The following CERS4 variants were observed in gnomAD, a reference collection of about 807,000 sequenced individuals.
CERS4 encodes LAG1 homolog, ceramide synthase 4.
A neutral mutation model predicts 51.8 loss-of-function variants in CERS4; 65 were observed. The ratio of observed to expected loss-of-function variants is 1.26; its 90% CI spans 1.03 to 1.54. The LOEUF (loss-of-function observed/expected upper bound fraction) is 1.54. Among genes scored for constraint, CERS4 ranks in the 40% most tolerant of loss-of-function variants. CERS4 has a pLI of 0.00. For missense variants in CERS4, 563 were observed against 500.4 expected, an observed-to-expected ratio of 1.13 and a Z score of -1.19; for synonymous variants, 228 against 208.4, an observed-to-expected ratio of 1.09 and a Z score of -0.81.
intron 6 of CERS4, 162 bp from the exon 7 acceptor site, chr19:8,256,074 G>A (rs899628513): frequency 1.1e-6 from 1 of 941,678 alleles, no homozygotes; most frequent in South Asian, 1.6e-5. Context: ...TTGGGGTTCT[G>A]CAGTGAATGA....
chr19:8,232,021 G>A (rs910547028), intron 2 of CERS4, among the ~76,000 whole-genome samples: 2 of 150,054 alleles, frequency 1.3e-5, no homozygotes, highest in Non-Finnish European at 3.0e-5. Context: ...GTAGAGACAG[G>A]GTCTCACTAT....
intron 2 of CERS4, among the ~76,000 whole-genome samples, chr19:8,244,872 C>A (rs921573105): frequency 1.3e-5 from 2 of 149,632 alleles, no homozygotes; most frequent in Non-Finnish European, 3.0e-5. Flanking sequence ...TGGCCAGGCG[C>A]GGTGGCTCTC....
intron 10 of CERS4, chr19:8,261,474 T>A: frequency 1.7e-6 from 1 of 585,222 alleles, no homozygotes; most frequent in South Asian, 2.1e-5. Flanking sequence ...GAATGGCCAG[T>A]CAGGGAGCTC....
In CERS4 at chr19:8,213,319, T is replaced by C. The variant is rs144277157; in HGVS notation, c.-2+2457T>C. On this transcript the variant is annotated intron_variant, in intron 2 of 11. Transcript: ENST00000251363. ...CATGAGCCACTGCACTCGGCCTCTT[T>C]CTTTCTTTCAAAGGCAGAATCTTGC... is the stretch of plus-strand genomic sequence containing the variant. Among the ~76,000 whole-genome samples the C allele has an allele frequency of 8.5e-5, 13 of 152,148 alleles. No homozygotes were observed. In the East Asian group the frequency reaches 2.5e-3, roughly 29 times the overall value.
Position 8,234,542 on chromosome 19 carries a change from ATTTTTTTTTTTT to A in CERS4, c.-1-16517_-1-16506del, listed in dbSNP as rs35971828. Reference sequence around the variant, plus strand: ...CCCTTCCCCTGGCACCCACCATTCTATTTTTTTTTTTTTTTTTTTTTTTTTTTTGGAGACAGA... The same window carrying A: ...CCCTTCCCCTGGCACCCACCATTCTATTTTTTTTTTTTTTTTGGAGACAGA... On this transcript the variant is annotated intron_variant, in intron 2 of 11. Coordinates refer to ENST00000251363, the MANE Select transcript of CERS4 (RefSeq NM_024552.3). Among the ~76,000 whole-genome samples the A allele has an allele frequency of 8.5e-4, 46 of 54,182 alleles. No individual in the cohort carries two copies. The South Asian group carries it at 0.024, about 28-fold the overall frequency. The allele number at this position is 54,182 out of a possible 152,430, so 35.5% of individuals were successfully genotyped here.
At chr19:8,241,063 G>A (rs1422177435) in intron 2 of CERS4, among the ~76,000 whole-genome samples, 1 of 152,152 alleles carries the variant, frequency 6.6e-6, no homozygotes, top group Non-Finnish European at 1.5e-5. Flanking sequence ...CACCCACGCG[G>A]TGGCTCTGCA....
chr19:8,245,020 T>A (rs1344002947), intron 2 of CERS4, among the ~76,000 whole-genome samples: 2 of 150,254 alleles, frequency 1.3e-5, no homozygotes, highest in Non-Finnish European at 3.0e-5. Flanking sequence ...GGCGGGCACC[T>A]GTAGTCCCAG....
intron 2 of CERS4, among the ~76,000 whole-genome samples, chr19:8,228,322 G>A (rs1437267798): frequency 2.6e-5 from 4 of 152,142 alleles, no homozygotes; most frequent in Non-Finnish European, 4.4e-5. Context: ...CCACTGAACT[G>A]TATAATTAAA....
At chr19:8,254,374 C>G in intron 3 of CERS4, 125 bp from the exon 4 acceptor site, 1 of 649,700 alleles carries the variant, frequency 1.5e-6, no homozygotes, top group Non-Finnish European at 2.7e-6. Flanking sequence ...GCCAGCTGTG[C>G]TCTCTGAGCC....
chr19:8,212,729 C>T (rs933498963), intron 2 of CERS4, among the ~76,000 whole-genome samples: 6 of 151,826 alleles, frequency 4.0e-5, no homozygotes, highest in African/African-American at 1.5e-4. Context: ...ACCTCCACCT[C>T]CCGGGTTCAA....
chr19:8,253,449 C>CTTTTT (rs35212733), intron 3 of CERS4, among the ~76,000 whole-genome samples: 70 of 74,054 alleles, frequency 9.5e-4, no homozygotes, highest in African/African-American at 3.3e-3. Flanking sequence ...GTCCAGCTGC[C>CTTTTT]TTTTTTTTTT....
At chr19:8,257,111 G>T in intron 9 of CERS4, 34 bp downstream of exon 9, 1 of 1,554,318 alleles carries the variant, frequency 6.4e-7, no homozygotes, top group Non-Finnish European at 8.7e-7. Flanking sequence ...CTTCCCAGCT[G>T]CTGTACCCAG....
chr19:8,245,127 A>ACAAAACAAAACAAAAC (rs1198999411), intron 2 of CERS4, among the ~76,000 whole-genome samples: 9 of 142,188 alleles, frequency 6.3e-5, no homozygotes, highest in South Asian at 2.3e-4. Flanking sequence ...AAAAAAAAAA[A>ACAAAACAAAACAAAAC]AAAAAAAACA....
intron 2 of CERS4, among the ~76,000 whole-genome samples, chr19:8,231,892 T>G (rs1339791723): frequency 1.4e-5 from 2 of 139,010 alleles, no homozygotes; most frequent in Non-Finnish European, 3.0e-5. Flanking sequence ...TCTCCCAGGC[T>G]GGAGTGCAGT....
chr19:8,257,883 G>A lies in CERS4; in HGVS notation c.746G>A (p.Cys249Tyr), dbSNP rs769847911. Residue 249 changes from cysteine to tyrosine, a missense_variant, in exon 10 of 12, where the codon TGT (cysteine) becomes TAT (tyrosine). Coordinates refer to ENST00000251363, the MANE Select transcript of CERS4 (RefSeq NM_024552.3). Reference protein sequence around the residue: ...HDSSDYLLEACKMVNYMQYQQ... With the variant: ...HDSSDYLLEAYKMVNYMQYQQ... ...TCTCCCTGCTGCCCTTTCCAGGCCT[G>A]TAAGATGGTCAACTACATGCAGTAT... is the stretch of plus-strand genomic sequence containing the variant. 6.2e-7 allele frequency: 1 copy of A among 1,613,498 alleles called. No homozygotes were observed. Among genetic ancestry groups the A allele is most frequent in the South Asian group, 1.1e-5 (1 of 91,078 alleles).
Position 8,254,479 on chromosome 19 carries a change from T to C in CERS4, c.174-20T>C, listed in dbSNP as rs372684442. ...CATCTCTTCACCTGGGCTGATAGGC[T>C]CTGTCTCCTTTGCACCCAGATTCAT... On this transcript the variant is annotated intron_variant, in intron 3 of 11. Transcript: ENST00000251363. 13 of 1,610,692 alleles carry C rather than the reference T, an allele frequency of 8.1e-6. No homozygotes were observed. Among genetic ancestry groups the C allele is most frequent in the Non-Finnish European group, 9.3e-6 (11 of 1,177,666 alleles).
At chr19:8,228,169 C>T (rs1052478231) in intron 2 of CERS4, among the ~76,000 whole-genome samples, 3 of 151,558 alleles carry the variant, frequency 2.0e-5, no homozygotes, top group Non-Finnish European at 4.4e-5. Context: ...CAGAGTCTCA[C>T]GATCCGTCCG....
chr19:8,217,893 G>A (rs954270231), intron 2 of CERS4, among the ~76,000 whole-genome samples: 4 of 152,008 alleles, frequency 2.6e-5, no homozygotes, highest in African/African-American at 4.8e-5. Flanking sequence ...GACTGGTCTC[G>A]AACTCCTGAT....
Position 8,256,715 on chromosome 19 carries a change from G to A in CERS4, c.612+5G>A, listed in dbSNP as rs1969403219. On this transcript the variant is annotated splice_donor_5th_base_variant and intron_variant, in intron 8 of 11. Transcript: ENST00000251363. ...CCCTTTGATGTCAAGCGCAAGGTGA[G>A]GCCAAATAAGAGTCTGGAAGACCCA... 2 of 1,611,668 alleles carry A rather than the reference G, an allele frequency of 1.2e-6. No homozygotes were observed. Among genetic ancestry groups the A allele is most frequent in the Admixed American group, 1.7e-5 (1 of 59,394 alleles).
Sources: allele counts gnomAD v4.1 joint callset (sites outside exome capture counted in the v4.1 genomes callset), GRCh38; gene constraint gnomAD v4.1.1; transcripts MANE v1.5; gene names NCBI Gene and HGNC (gene_info 2026-07-23, HGNC 2026-07-21).